The following HMCN1 variants were observed in gnomAD, a reference collection of about 807,000 sequenced individuals.
HMCN1 encodes hemicentin 1, also known as hemicentin-1.
In HMCN1, 321 loss-of-function variants were observed where a neutral mutation model predicts 625.9. That is an observed-to-expected ratio of 0.51 (90% confidence interval 0.47 to 0.56). The LOEUF (loss-of-function observed/expected upper bound fraction) is 0.56, where lower values mean the gene tolerates loss of function less well. Among genes scored for constraint, HMCN1 ranks in the 20% least tolerant of loss-of-function variants. HMCN1 has a pLI of 0.00. For missense variants in HMCN1, 6,588 were observed against 6,887.3 expected (o/e 0.96, Z 1.54); for synonymous variants, 2,425 against 2,417.6 (o/e 1.00, Z -0.09).
rs181023585 is a variant in HMCN1 at position 186,084,898 on chromosome 1, G to A, written c.8885-1348G>A. On this transcript the variant is annotated intron_variant, in intron 57 of 106. Transcript: ENST00000271588. ...CCTGGAGGTGAAAAAGGCGAGGCTC[G>A]GTGAGATTAAGTAACATGCTCAAAA... Among the ~76,000 whole-genome samples the A allele has an allele frequency of 3.9e-5, 6 of 152,030 alleles. No individual in the cohort carries two copies. The East Asian group carries it at 9.7e-4, about 25-fold the overall frequency.
chr1:185,893,607 T>G (rs1212798242), intron 4 of HMCN1, among the ~76,000 whole-genome samples: 2 of 152,170 alleles, frequency 1.3e-5, no homozygotes, highest in African/African-American at 4.8e-5. Flanking sequence ...CGGAAACGTT[T>G]TTTTTCCATC....
intron 19 of HMCN1, among the ~76,000 whole-genome samples, chr1:185,986,605 C>T (rs774817633): frequency 1.4e-4 from 22 of 151,960 alleles, no homozygotes; most frequent in Non-Finnish European, 2.9e-4. Flanking sequence ...CCTTTTGCTT[C>T]TACTCATGTT....
intron 11 of HMCN1, among the ~76,000 whole-genome samples, chr1:185,934,874 T>C (rs1373277336): frequency 6.6e-6 from 1 of 152,162 alleles, no homozygotes; most frequent in Non-Finnish European, 1.5e-5. Context: ...GAAACTACCA[T>C]GAGAATTAAC....
intron 54 of HMCN1, 119 bp downstream of exon 54, chr1:186,076,741 C>A: frequency 1.1e-6 from 1 of 922,196 alleles, no homozygotes; most frequent in Non-Finnish European, 1.7e-6. Flanking sequence ...GGCAGTTAGA[C>A]TGCTGAATGC....
intron 14 of HMCN1, among the ~76,000 whole-genome samples, chr1:185,969,728 G>A (rs772040031): frequency 6.6e-6 from 1 of 152,102 alleles, no homozygotes; most frequent in Non-Finnish European, 1.5e-5. Context: ...CACTGAGCTG[G>A]CATTAAACAT....
chr1:186,147,123 C>T (rs998882462), intron 93 of HMCN1, among the ~76,000 whole-genome samples: 10 of 152,328 alleles, frequency 6.6e-5, no homozygotes, highest in East Asian at 3.9e-4. Flanking sequence ...TTACTCTCTA[C>T]GCTTTCTACT....
In HMCN1 at chr1:185,863,431, A is replaced by G. The variant is rs141328012; in HGVS notation, c.340-1039A>G. The stretch of plus-strand genomic sequence containing the variant: ...TATCAGTTTGTCTGTTTGTCTATCT[A>G]CCATTTATAATGGAGAAGTAAAATT... On this transcript the variant is annotated intron_variant, in intron 2 of 106. Coordinates refer to ENST00000271588, the MANE Select transcript of HMCN1 (RefSeq NM_031935.3). Among the ~76,000 whole-genome samples the G allele has an allele frequency of 2.1e-4, 32 of 152,280 alleles. No homozygotes were observed. The East Asian group carries it at 5.6e-3, about 27-fold the overall frequency.
intron 13 of HMCN1, 143 bp from the exon 14 acceptor site, chr1:185,965,659 C>A: frequency 1.4e-6 from 1 of 695,812 alleles, no homozygotes; most frequent in Admixed American, 2.1e-5. Flanking sequence ...TGTGCATGTG[C>A]ATTACAAGAG....
chr1:185,916,173 A>G (rs1407998376), intron 6 of HMCN1, among the ~76,000 whole-genome samples: 15 of 152,086 alleles, frequency 9.9e-5, no homozygotes, highest in Non-Finnish European at 4.4e-5. Flanking sequence ...ATGGTATTTA[A>G]ATCTAGCTTC....
At chr1:185,995,459 T>C (rs1305428547) in intron 24 of HMCN1, among the ~76,000 whole-genome samples, 2 of 152,060 alleles carry the variant, frequency 1.3e-5, no homozygotes, top group Non-Finnish European at 2.9e-5. Context: ...GAAATCTAGG[T>C]CCACTACTTC....
At chr1:185,950,193 G>A (rs61829927) in intron 11 of HMCN1, among the ~76,000 whole-genome samples, 6,512 of 144,376 alleles carry the variant, frequency 0.045, 383 homozygotes, top group African/African-American at 0.13. Context: ...CTGGGCCAGG[G>A]ACAACGGTAA....
intron 30 of HMCN1, among the ~76,000 whole-genome samples, chr1:186,009,492 A>G (rs1341719578): frequency 6.6e-6 from 1 of 152,186 alleles, no homozygotes; most frequent in Non-Finnish European, 1.5e-5. Context: ...ATGAAAAAAA[A>G]AAGTAAAACA....
chr1:185,797,782 C>T (rs1248349330), intron 1 of HMCN1, among the ~76,000 whole-genome samples: 3 of 134,614 alleles, frequency 2.2e-5, no homozygotes, highest in East Asian at 2.0e-4. Flanking sequence ...CCGGCTAAAA[C>T]GGTGAAACCC....
intron 41 of HMCN1, 84 bp from the exon 42 acceptor site, chr1:186,048,657 AAT>A: frequency 1.2e-6 from 1 of 830,248 alleles, no homozygotes; most frequent in Non-Finnish European, 2.0e-6. Context: ...TCAGAATAAA[AAT>A]AAGAAATAGA....
chr1:185,981,118 C>T (rs556575341), intron 17 of HMCN1, 45 bp downstream of exon 17: 1 of 1,150,260 alleles, frequency 8.7e-7, no homozygotes, highest in African/African-American at 1.5e-5. Flanking sequence ...TCAAAGTCAT[C>T]AGACTTCTTT....
At chr1:186,122,823 T>G in intron 80 of HMCN1, 128 bp from the exon 81 acceptor site, 5 of 997,942 alleles carry the variant, frequency 5.0e-6, no homozygotes, top group South Asian at 4.5e-5. Context: ...GTGCTCCTTT[T>G]CTAATGATAT....
At chr1:186,124,197 A>G (rs1023556764) in intron 81 of HMCN1, among the ~76,000 whole-genome samples, 1 of 152,116 alleles carries the variant, frequency 6.6e-6, no homozygotes, top group Non-Finnish European at 1.5e-5. Flanking sequence ...CATAATTTCT[A>G]CCCACCATGC....
chr1:186,071,451 T>G (rs1275480906), intron 52 of HMCN1, among the ~76,000 whole-genome samples: 2 of 152,184 alleles, frequency 1.3e-5, no homozygotes, highest in African/African-American at 4.8e-5. Context: ...ATGCATGTTT[T>G]AAAAGACATA....
rs564661100 is a variant in HMCN1, at chr1:185,774,437, A to T, written c.268+39390A>T. Among the ~76,000 whole-genome samples, 109 of 152,290 alleles carry T rather than the reference A, an allele frequency of 7.2e-4. 1 individual carries two copies. Among genetic ancestry groups the T allele is most frequent in the African/African-American group, 2.5e-3 (103 of 41,574 alleles). ...AAGAAGAGGGCAGTTAAAGGAGTTCATGGCTAACTTTTTATTTTTCCCTGA... is the reference window on the plus strand; with the variant it reads ...AAGAAGAGGGCAGTTAAAGGAGTTCTTGGCTAACTTTTTATTTTTCCCTGA... On this transcript the variant is annotated intron_variant, in intron 1 of 106. Transcript: ENST00000271588.
Sources: allele counts gnomAD v4.1 joint callset (sites outside exome capture counted in the v4.1 genomes callset), GRCh38; gene constraint gnomAD v4.1.1; transcripts MANE v1.5; gene names NCBI Gene and HGNC (gene_info 2026-07-23, HGNC 2026-07-21).